GALNTL6: variants seen among roughly 807,000 people sequenced by gnomAD.
The protein encoded by GALNTL6 is polypeptide N-acetylgalactosaminyltransferase-like 6.
In GALNTL6, 46 loss-of-function variants were observed where a neutral mutation model predicts 73.7. The observed-to-expected ratio is 0.62, with a 90% CI of 0.49 to 0.80. GALNTL6 has a LOEUF of 0.80. Ranked by LOEUF, GALNTL6 falls within the 30% of genes least tolerant of loss-of-function variation. The pLI, the probability that GALNTL6 is intolerant of heterozygous loss-of-function variation, is 0.00. For missense variants in GALNTL6, 604 were observed against 755.0 expected (o/e 0.80, Z 2.34); for synonymous variants, 259 against 263.7 (o/e 0.98, Z 0.17).
chr4:172,061,515 C>T (rs927580414), intron 2 of GALNTL6, among the ~76,000 whole-genome samples: 2 of 152,090 alleles, frequency 1.3e-5, no homozygotes, highest in Non-Finnish European at 2.9e-5. Context: ...TTCAAAATGT[C>T]TTGTTGTCAC....
intron 5 of GALNTL6, among the ~76,000 whole-genome samples, chr4:172,636,650 G>T (rs1409396740): frequency 6.6e-6 from 1 of 152,200 alleles, no homozygotes; most frequent in Non-Finnish European, 1.5e-5. Context: ...TTCAAAAGGA[G>T]TACAGCCCTG....
chr4:171,853,848 T>C (rs569931714), intron 2 of GALNTL6, among the ~76,000 whole-genome samples: 49 of 151,956 alleles, frequency 3.2e-4, no homozygotes, highest in Non-Finnish European at 5.0e-4. Flanking sequence ...CTGACTTCAG[T>C]TGATACACCC....
chr4:172,259,940 G>T (rs1216993010), intron 3 of GALNTL6, among the ~76,000 whole-genome samples: 1 of 151,500 alleles, frequency 6.6e-6, no homozygotes, highest in African/African-American at 2.4e-5. Context: ...TTATTTCTGG[G>T]TTCTTTATTA....
chr4:172,916,718 C>T (rs749180006), intron 8 of GALNTL6, among the ~76,000 whole-genome samples: 51 of 152,122 alleles, frequency 3.4e-4, no homozygotes, highest in Non-Finnish European at 5.1e-4. Context: ...TCAAGGAGAA[C>T]TACAAACCAC....
At chr4:172,231,034 C>T (rs1419888341) in intron 3 of GALNTL6, among the ~76,000 whole-genome samples, 2 of 130,548 alleles carry the variant, frequency 1.5e-5, no homozygotes, top group Admixed American at 1.6e-4. Flanking sequence ...CTTTTTAAAG[C>T]AGCTTATTCC....
At chr4:172,153,168 CT>C (rs1278114026) in intron 2 of GALNTL6, among the ~76,000 whole-genome samples, 3 of 152,194 alleles carry the variant, frequency 2.0e-5, no homozygotes, top group African/African-American at 7.2e-5. Flanking sequence ...TATTCTAAAA[CT>C]TTAATATACA....
At chr4:171,883,670 T>C (rs1226725494) in intron 2 of GALNTL6, among the ~76,000 whole-genome samples, 1 of 151,430 alleles carries the variant, frequency 6.6e-6, no homozygotes, top group African/African-American at 2.4e-5. Flanking sequence ...TTTTTTGAGA[T>C]AGAGTCTCGC....
chr4:172,004,833 T>A (rs1270695472), intron 2 of GALNTL6, among the ~76,000 whole-genome samples: 2 of 151,026 alleles, frequency 1.3e-5, no homozygotes, highest in Non-Finnish European at 3.0e-5. Flanking sequence ...AATCCCCCAA[T>A]TTTTTTTTGT....
intron 5 of GALNTL6, among the ~76,000 whole-genome samples, chr4:172,607,395 T>C (rs1738346330): frequency 6.6e-6 from 1 of 151,674 alleles, no homozygotes; most frequent in Non-Finnish European, 1.5e-5. Flanking sequence ...ACATACGGTA[T>C]TTGGTTTTCT....
intron 2 of GALNTL6, among the ~76,000 whole-genome samples, chr4:171,945,609 T>C (rs528037249): frequency 1.6e-4 from 25 of 152,264 alleles, no homozygotes; most frequent in African/African-American, 5.8e-4. Flanking sequence ...TAAACTTTCC[T>C]TTTCTCTTGA....
At position 171,905,117 on chromosome 4, in the gene GALNTL6, A is replaced by T. The variant is rs529042473; in HGVS notation, c.138+90399A>T. On this transcript the variant is annotated intron_variant, in intron 2 of 12. Coordinates refer to ENST00000506823, the MANE Select transcript of GALNTL6 (RefSeq NM_001034845.3). Reference sequence around the variant, plus strand: ...AGCAAAATAACCAGCTAACATCATAATGACAGGATCAAATTCACACATAAC... The same window carrying T: ...AGCAAAATAACCAGCTAACATCATATTGACAGGATCAAATTCACACATAAC... 1.9e-3 allele frequency among the ~76,000 whole-genome samples: 290 copies of T among 152,332 alleles called. 1 individual carries two copies. Among genetic ancestry groups the T allele is most frequent in the African/African-American group, 6.5e-3 (269 of 41,566 alleles).
At chr4:171,860,863 G>A (rs578164675) in intron 2 of GALNTL6, among the ~76,000 whole-genome samples, 4 of 152,214 alleles carry the variant, frequency 2.6e-5, no homozygotes, top group Admixed American at 2.0e-4. Flanking sequence ...TGTCTTAGGT[G>A]CCCAGTAAGA....
At chr4:172,084,900 A>C (rs530679742) in intron 2 of GALNTL6, among the ~76,000 whole-genome samples, 7 of 152,296 alleles carry the variant, frequency 4.6e-5, no homozygotes, top group Non-Finnish European at 1.0e-4. Context: ...ACGTAAAATT[A>C]TTTACTAAAG....
intron 3 of GALNTL6, among the ~76,000 whole-genome samples, chr4:172,308,738 C>A (rs1055882676): frequency 1.3e-5 from 2 of 152,124 alleles, no homozygotes; most frequent in African/African-American, 4.8e-5. Flanking sequence ...GACCTTACAG[C>A]AAATTTTGTC....
rs545719655 is a variant in GALNTL6, at chr4:172,402,795, A to G, written c.553+54106A>G. 2.6e-5 allele frequency among the ~76,000 whole-genome samples: 4 copies of G among 152,196 alleles called. No individual in the cohort carries two copies. The South Asian group carries it at 8.3e-4, about 32-fold the overall frequency. On this transcript the variant is annotated intron_variant, in intron 5 of 12. Transcript: ENST00000506823. ...ATTTTACCAGGTATCAGAATATTCA[A>G]AATAAGAGAAACGAAGTTGAGGGTG...
intron 2 of GALNTL6, among the ~76,000 whole-genome samples, chr4:172,123,784 C>A (rs551488755): frequency 6.6e-6 from 1 of 152,126 alleles, no homozygotes; most frequent in Non-Finnish European, 1.5e-5. Flanking sequence ...CAGGCATGAG[C>A]CACTGTGCCT....
chr4:171,923,153 T>C (rs1039623916), intron 2 of GALNTL6, among the ~76,000 whole-genome samples: 1 of 152,160 alleles, frequency 6.6e-6, no homozygotes, highest in Admixed American at 6.6e-5. Context: ...GTTCAAAATA[T>C]TGATAGAAAC....
intron 2 of GALNTL6, among the ~76,000 whole-genome samples, chr4:171,991,712 A>ATATG (rs1553981798): frequency 1.2e-4 from 16 of 137,294 alleles, no homozygotes; most frequent in Admixed American, 1.5e-4. Context: ...GTTTGATTAT[A>ATATG]TGTGTGTGTG....
At position 171,816,640 on chromosome 4, in the gene GALNTL6, C is replaced by T. The variant is rs574813088; in HGVS notation, c.138+1922C>T. On this transcript the variant is annotated intron_variant, in intron 2 of 12. Coordinates refer to ENST00000506823, the MANE Select transcript of GALNTL6 (RefSeq NM_001034845.3). Reference sequence around the variant, plus strand: ...CCCCAAAATGAATGTCAGTCATCTACTTTAATATTACCTAAATAATGGTTT... The same window carrying T: ...CCCCAAAATGAATGTCAGTCATCTATTTTAATATTACCTAAATAATGGTTT... 7.9e-5 allele frequency among the ~76,000 whole-genome samples: 12 copies of T among 151,972 alleles called. No homozygotes were observed. In the South Asian group the frequency reaches 2.5e-3, roughly 32 times the overall value.
Sources: gnomAD v4.1 joint callset for allele counts (sites outside exome capture counted in the v4.1 genomes callset) on GRCh38, gnomAD v4.1.1 for gene constraint, MANE v1.5 for transcripts, NCBI Gene and HGNC (gene_info 2026-07-23, HGNC 2026-07-21) for gene names.